The following MGA variants were observed in gnomAD, a reference collection of about 807,000 sequenced individuals.
MGA encodes the protein MAX dimerization protein MGA.
MGA carries 40 observed loss-of-function variants against 261.1 expected under a neutral mutation model. The ratio of observed to expected loss-of-function variants is 0.15; its 90% CI spans 0.12 to 0.20. The LOEUF is 0.20. Among genes scored for constraint, MGA ranks in the 10% least tolerant of loss-of-function variants. The probability of loss-of-function intolerance (pLI) is 1.00; values close to 1 mark genes in which losing one functional copy is unlikely to be tolerated. For synonymous variants in MGA, 1,302 were observed against 1,290.6 expected, an observed-to-expected ratio of 1.01 and a Z score of -0.19; for missense variants, 3,397 against 3,630.5, an observed-to-expected ratio of 0.94 and a Z score of 1.65.
intron 13 of MGA, among the ~76,000 whole-genome samples, chr15:41,739,382 T>G (rs181738451): frequency 6.2e-4 from 94 of 152,338 alleles, no homozygotes; most frequent in Non-Finnish European, 1.1e-3. Context: ...AACTGTGAGG[T>G]AATTGTGGCT....
intron 15 of MGA, among the ~76,000 whole-genome samples, chr15:41,746,529 A>G (rs538897160): frequency 7.2e-6 from 1 of 138,004 alleles, no homozygotes; most frequent in Non-Finnish European, 1.5e-5. Context: ...TGGGCAACAG[A>G]GCGAGACTTC....
intron 18 of MGA, among the ~76,000 whole-genome samples, chr15:41,756,839 G>A (rs143056410): frequency 2.0e-5 from 3 of 152,158 alleles, no homozygotes; most frequent in East Asian, 3.9e-4. Context: ...ACCAGTCCTC[G>A]TGCCTTGGCC....
At chr15:41,714,914 T>A (rs4640151) in intron 9 of MGA, among the ~76,000 whole-genome samples, 4,993 of 152,292 alleles carry the variant, frequency 0.033, 140 homozygotes, top group African/African-American at 0.069. Flanking sequence ...TGACCATTTA[T>A]CATAAACTTT....
At chr15:41,755,243 C>G (rs1595990833) in intron 18 of MGA, among the ~76,000 whole-genome samples, 2 of 152,180 alleles carry the variant, frequency 1.3e-5, no homozygotes. Context: ...CCTGTCATCT[C>G]ATTAACTACG....
Position 41,696,134 on chromosome 15 carries a change from G to A in MGA, c.1124G>A (p.Gly375Glu). 6.2e-7 allele frequency: 1 copy of A among 1,613,894 alleles called. No homozygotes were observed. The highest frequency in any genetic ancestry group is 8.5e-7 in the Non-Finnish European group (1 of 1,179,884). ...GTAGCCTCACCGTTAGACCAGAACG[G>A]AAGCTTCAATGTTGTTATTAAAGAG... Residue 375 changes from glycine to glutamate, a missense_variant, in exon 3 of 24, where the codon GGA becomes GAA. This residue lies in a region of MGA where 563 missense variants were observed against 563.6 expected (regional missense o/e 1.00). Coordinates refer to ENST00000219905, the MANE Select transcript of MGA (RefSeq NM_001164273.2).
At chr15:41,629,370 G>A (rs1240016355) in intron 1 of MGA, among the ~76,000 whole-genome samples, 15 of 152,112 alleles carry the variant, frequency 9.9e-5, no homozygotes, top group Non-Finnish European at 2.9e-5. Context: ...TGGATGAAGT[G>A]TTTAGATGTT....
intron 1 of MGA, among the ~76,000 whole-genome samples, chr15:41,667,126 C>T (rs549824559): frequency 2.0e-4 from 30 of 152,250 alleles, no homozygotes; most frequent in Admixed American, 1.9e-3. Context: ...ATTTGCTTTC[C>T]TCTTAACTAT....
rs1002669349 is a variant in MGA at position 41,760,436 on chromosome 15, G to C, written c.7305G>C (p.Arg2435=). 1 of 1,613,916 alleles carries C rather than the reference G, an allele frequency of 6.2e-7. No individual in the cohort carries two copies. The highest frequency in any genetic ancestry group is 8.5e-7 in the Non-Finnish European group (1 of 1,179,900). ...CACACACTGCCAATGAGCGGCGGCG[G>C]CGTGGTGAAATGAGGGATCTCTTTG... Residue 2435 remains arginine, a synonymous_variant, in exon 20 of 24, where the codon CGG becomes CGC. Coordinates refer to ENST00000219905, the MANE Select transcript of MGA (RefSeq NM_001164273.2).
chr15:41,751,653 G>A (rs1482308636), intron 17 of MGA: 1 of 152,602 alleles, frequency 6.6e-6, no homozygotes, highest in Non-Finnish European at 1.5e-5. Flanking sequence ...GAACCCGGGA[G>A]GCTGAGGTTG....
chr15:41,668,927 T>C lies in MGA; in HGVS notation c.33T>C (p.Asn11=). 6.3e-7 allele frequency: 1 copy of C among 1,593,168 alleles called. No individual in the cohort carries two copies. The highest frequency in any genetic ancestry group is 8.6e-7 in the Non-Finnish European group (1 of 1,165,244). The change falls in exon 2 of 24, where the codon AAT becomes AAC. Residue 11 remains asparagine (N), a synonymous_variant. Transcript: ENST00000219905. ...AGAAACAGCAGATTATATTGGCTAA[T>C]CAAGATGGTGGAACAGTGGCAGGAG...
At chr15:41,718,286 A>AGTGT (rs536829836) in intron 9 of MGA, 74 of 209,528 alleles carry the variant, frequency 3.5e-4, no homozygotes, top group African/African-American at 1.3e-3. Context: ...GTGTATATGT[A>AGTGT]GTGTGTGTGT....
chr15:41,657,132 G>C (rs2057221299), upstream of MGA, among the ~76,000 whole-genome samples: 2 of 152,116 alleles, frequency 1.3e-5, no homozygotes, highest in Admixed American at 6.5e-5. Flanking sequence ...CTTGAAGGCA[G>C]ATATCTTGCC....
chr15:41,744,964 C>T lies in MGA; in HGVS notation c.5212+1792C>T, dbSNP rs112067221. ...CACCATCTCAGCTCACTGCAACCTCCGCCTCCCAGGTTCAAGTGGTTCTCC... is the reference window on the plus strand; with the variant it reads ...CACCATCTCAGCTCACTGCAACCTCTGCCTCCCAGGTTCAAGTGGTTCTCC... On this transcript the variant is annotated intron_variant, in intron 15 of 23. Transcript: ENST00000219905. 8.8e-3 allele frequency among the ~76,000 whole-genome samples: 1,339 copies of T among 152,132 alleles called. 20 individuals are homozygous for T. The highest frequency in any genetic ancestry group is 0.031 in the African/African-American group (1,287 of 41,500).
chr15:41,668,266 T>C (rs1283420762), intron 1 of MGA, among the ~76,000 whole-genome samples: 3 of 152,204 alleles, frequency 2.0e-5, no homozygotes, highest in Non-Finnish European at 2.9e-5. Context: ...TCCAGTGATT[T>C]GTCATGGCTT....
chr15:41,698,518 C>G (rs1287123427), intron 3 of MGA, among the ~76,000 whole-genome samples: 1 of 152,170 alleles, frequency 6.6e-6, no homozygotes, highest in Non-Finnish European at 1.5e-5. Flanking sequence ...TCTACCTGTT[C>G]TTTTCCTCCC....
intron 13 of MGA, among the ~76,000 whole-genome samples, chr15:41,739,265 A>C (rs1158171094): frequency 6.6e-6 from 1 of 152,164 alleles, no homozygotes; most frequent in East Asian, 1.9e-4. Context: ...TATTTAGTTA[A>C]TTATGTCTAG....
At chr15:41,739,226 C>T (rs1208528325) in intron 13 of MGA, among the ~76,000 whole-genome samples, 3 of 152,076 alleles carry the variant, frequency 2.0e-5, no homozygotes, top group Non-Finnish European at 4.4e-5. Flanking sequence ...GGGATCTTTA[C>T]TTCATTTGTT....
At chr15:41,673,179 C>G (rs575636413) in intron 2 of MGA, among the ~76,000 whole-genome samples, 25 of 151,836 alleles carry the variant, frequency 1.6e-4, no homozygotes, top group Non-Finnish European at 2.9e-4. Flanking sequence ...AGGTTATTTC[C>G]TAGTATTATG....
At chr15:41,715,137 C>CTTTTTTT (rs766195852) in intron 9 of MGA, among the ~76,000 whole-genome samples, 24 of 124,548 alleles carry the variant, frequency 1.9e-4, no homozygotes, top group East Asian at 2.6e-4. Context: ...TGGTTTCTGT[C>CTTTTTTT]TTTTTTTTTT....
Sources: allele counts gnomAD v4.1 joint callset (sites outside exome capture counted in the v4.1 genomes callset), GRCh38; gene constraint gnomAD v4.1.1; regional missense constraint gnomAD v4.1.1; transcripts MANE v1.5; gene names NCBI Gene and HGNC (gene_info 2026-07-23, HGNC 2026-07-21).